Variants in FAM124A observed in about 807,000 individuals in gnomAD.
The protein encoded by FAM124A is protein FAM124A.
A neutral mutation model predicts 24.5 loss-of-function variants in FAM124A; 23 were observed. That is an observed-to-expected ratio of 0.94 (90% CI 0.68 to 1.33). The LOEUF is 1.33. Among genes scored for constraint, FAM124A ranks in the 40% most tolerant of loss-of-function variants. The pLI, the probability that FAM124A is intolerant of heterozygous loss-of-function variation, is 0.00. For synonymous variants in FAM124A, 287 were observed against 314.7 expected (o/e 0.91, Z 0.93); for missense variants, 623 against 722.8 (o/e 0.86, Z 1.58).
At chr13:51,239,816 C>T (rs1237440433) in intron 2 of FAM124A, among the ~76,000 whole-genome samples, 1 of 151,738 alleles carries the variant, frequency 6.6e-6, no homozygotes, top group East Asian at 2.0e-4. Context: ...AAAAGATTAT[C>T]TGGATAGATA....
chr13:51,252,222 T>C (rs1566168626), intron 3 of FAM124A, 21 bp downstream of exon 3: 1 of 1,606,822 alleles, frequency 6.2e-7, no homozygotes, highest in African/African-American at 1.3e-5. Context: ...GACGCCTGTC[T>C]GTCTGTTTAG....
rs1048052725 is a variant in FAM124A, at chr13:51,251,517, C to T, written c.150C>T (p.His50=). 2.0e-6 allele frequency: 3 copies of T among 1,512,762 alleles called. No individual in the cohort carries two copies. The highest frequency in any genetic ancestry group is 2.8e-5 in the African/African-American group (2 of 71,624). The allele number at this position is 1,512,762 out of a possible 1,614,324, so 93.7% of individuals were successfully genotyped here. A position where few individuals can be genotyped will look rare whatever the true frequency, so the allele number is the denominator to read the frequency against. ...AGGACCCTTTCCTGGTCAGCATCCA[C>T]ATAATCGCAGACCCAGGGGAGTCCC... ...EAQDPFLVSI[H]IIADPGESQP... The change falls in exon 3 of 4, where the codon CAC becomes CAT. Residue 50 remains histidine, a synonymous_variant. Coordinates refer to ENST00000322475, the MANE Select transcript of FAM124A (RefSeq NM_001242312.2). This position sits in a 1 kb window ranked among gnomAD's most constrained non-coding sequence, Gnocchi z 5.3.
At chr13:51,269,755 T>C (rs1012003741) in intron 3 of FAM124A, among the ~76,000 whole-genome samples, 1 of 152,192 alleles carries the variant, frequency 6.6e-6, no homozygotes, top group Non-Finnish European at 1.5e-5. Flanking sequence ...TAAGGGAAAA[T>C]TGAGCTTGAA....
chr13:51,257,629 A>G (rs1474424501), intron 3 of FAM124A, among the ~76,000 whole-genome samples: 1 of 151,914 alleles, frequency 6.6e-6, no homozygotes, highest in Non-Finnish European at 1.5e-5. Context: ...GGCTTTATTT[A>G]TCTCTCATTT....
At chr13:51,229,079 C>T (rs1351442172) in intron 1 of FAM124A, among the ~76,000 whole-genome samples, 1 of 152,178 alleles carries the variant, frequency 6.6e-6, no homozygotes, top group Non-Finnish European at 1.5e-5. Context: ...CAACTGTGTA[C>T]AAATTGCATA....
intron 3 of FAM124A, among the ~76,000 whole-genome samples, chr13:51,262,473 C>T (rs965912197): frequency 8.5e-5 from 13 of 152,262 alleles, no homozygotes; most frequent in African/African-American, 2.9e-4. Flanking sequence ...GTCATGTGAA[C>T]TACATGTCAG....
chr13:51,228,467 T>C (rs1230009720), intron 1 of FAM124A, among the ~76,000 whole-genome samples: 1 of 152,212 alleles, frequency 6.6e-6, no homozygotes, highest in Non-Finnish European at 1.5e-5. Flanking sequence ...ATATCGTGTA[T>C]AAATTTTTCA....
At chr13:51,259,436 T>C (rs896761470) in intron 3 of FAM124A, among the ~76,000 whole-genome samples, 2 of 151,992 alleles carry the variant, frequency 1.3e-5, no homozygotes, top group African/African-American at 4.8e-5. Context: ...CCTGTGTCAC[T>C]TGGGGTCCTT....
At chr13:51,274,692 CTTAAG>C (rs1178381113) in intron 3 of FAM124A, among the ~76,000 whole-genome samples, 1 of 151,922 alleles carries the variant, frequency 6.6e-6, no homozygotes, top group African/African-American at 2.4e-5. Flanking sequence ...TTAAAATTAC[CTTAAG>C]TTATTTTAGA....
At chr13:51,257,976 A>G (rs1954692526) in intron 3 of FAM124A, among the ~76,000 whole-genome samples, 1 of 152,236 alleles carries the variant, frequency 6.6e-6, no homozygotes, top group South Asian at 2.1e-4. Flanking sequence ...GGAGGCTAGA[A>G]GTCCAAAATC....
At chr13:51,232,711 A>C (rs1163535061) in intron 2 of FAM124A, among the ~76,000 whole-genome samples, 1 of 152,210 alleles carries the variant, frequency 6.6e-6, no homozygotes, top group Non-Finnish European at 1.5e-5. Context: ...AACCAGAGAA[A>C]GCTCAGTTGA....
At chr13:51,254,160 G>C (rs183422500) in intron 3 of FAM124A, among the ~76,000 whole-genome samples, 1 of 152,270 alleles carries the variant, frequency 6.6e-6, no homozygotes, top group African/African-American at 2.4e-5. Flanking sequence ...AGCAGTGTAC[G>C]TTCCCTGAGT....
intron 3 of FAM124A, chr13:51,253,316 A>G (rs1364088165): frequency 1.3e-5 from 2 of 152,258 alleles, no homozygotes; most frequent in African/African-American, 4.8e-5. Flanking sequence ...CATGTCAGAT[A>G]ACTGGTTCAG....
Position 51,251,749 on chromosome 13 carries a change from T to C in FAM124A, c.382T>C (p.Trp128Arg). ...QLHRTLQQPPWRHHHTEQVHG... is the reference protein window; with the variant it reads ...QLHRTLQQPPRRHHHTEQVHG... ...GCACCGCACACTGCAGCAGCCGCCCTGGCGCCACCACCACACCGAGCAGGT... is the reference window on the plus strand; with the variant it reads ...GCACCGCACACTGCAGCAGCCGCCCCGGCGCCACCACCACACCGAGCAGGT... The change falls in exon 3 of 4, where the codon TGG (tryptophan) becomes CGG (arginine). Residue 128 changes from tryptophan to arginine, a missense_variant. Physicochemically the swap from Trp to Arg is moderately radical, Grantham distance 101. Transcript: ENST00000322475. The surrounding 1 kb of genome is among the most constrained non-coding windows in gnomAD (Gnocchi z 5.3). 1.3e-6 allele frequency: 2 copies of C among 1,585,612 alleles called. No homozygotes were observed. Among genetic ancestry groups the C allele is most frequent in the South Asian group, 1.1e-5 (1 of 87,872 alleles).
chr13:51,281,222 C>T lies in FAM124A; in HGVS notation c.1607C>T (p.Pro536Leu). The change falls in exon 4 of 4, where the codon CCC (proline) becomes CTC (leucine). Residue 536 changes from proline to leucine, a missense_variant. Physicochemically the swap from Pro to Leu is moderately conservative, Grantham distance 98. Transcript: ENST00000322475. ...DMPPPPGSAG[P>L]GDNDMEEFYI is the part of the protein sequence containing the mutation. The stretch of plus-strand genomic sequence containing the variant: ...CCACCACCCCCAGGGTCGGCTGGCC[C>T]CGGGGATAACGACATGGAGGAATTC... 1 of 1,593,992 alleles carries T rather than the reference C, an allele frequency of 6.3e-7. No homozygotes were observed. The highest frequency in any genetic ancestry group is 8.5e-7 in the Non-Finnish European group (1 of 1,171,558).
In FAM124A at chr13:51,281,391, C is replaced by G; in HGVS notation, c.*135C>G. 1.2e-5 allele frequency: 10 copies of G among 838,346 alleles called. No individual in the cohort carries two copies. The highest frequency in any genetic ancestry group is 1.8e-5 in the Non-Finnish European group (10 of 568,358). The allele number at this position is 838,346 out of a possible 1,614,324, so 51.9% of individuals were successfully genotyped here. On this transcript the variant is annotated 3_prime_UTR_variant, in exon 4 of 4. Coordinates refer to ENST00000322475, the MANE Select transcript of FAM124A (RefSeq NM_001242312.2). Reference sequence around the variant, plus strand: ...GAGCCCGTAGCACATTTGCCTACCACCCACTCTTAGCTGGGGGGTGGTATA... The same window carrying G: ...GAGCCCGTAGCACATTTGCCTACCAGCCACTCTTAGCTGGGGGGTGGTATA...
intron 1 of FAM124A, among the ~76,000 whole-genome samples, chr13:51,229,662 T>C (rs1954353582): frequency 6.6e-6 from 1 of 152,262 alleles, no homozygotes; most frequent in South Asian, 2.1e-4. Flanking sequence ...TGAATAGTCA[T>C]GACATTTCTT....
In FAM124A at chr13:51,280,653, A is replaced by T. The variant is rs1368939123; in HGVS notation, c.1038A>T (p.Arg346=). The change falls in exon 4 of 4, where the codon CGA becomes CGT. Residue 346 remains arginine (R), a synonymous_variant. Coordinates refer to ENST00000322475, the MANE Select transcript of FAM124A (RefSeq NM_001242312.2). ...PPGHQQEFAG[R]ANSTPNPPWS... is the part of the protein sequence containing the mutation. ...GGCACCAGCAGGAATTTGCCGGACG[A>T]GCCAACAGCACCCCCAACCCTCCCT... The T allele has an allele frequency of 3.1e-6, 5 of 1,614,218 alleles. No individual in the cohort carries two copies. The Admixed American group carries it at 8.3e-5, about 27-fold the overall frequency.
At chr13:51,236,790 A>T (rs1320887992) in intron 2 of FAM124A, among the ~76,000 whole-genome samples, 1 of 152,254 alleles carries the variant, frequency 6.6e-6, no homozygotes, top group African/African-American at 2.4e-5. Flanking sequence ...AGGAAGATCA[A>T]TGTGTCAGAA....
Sources: allele counts gnomAD v4.1 joint callset (sites outside exome capture counted in the v4.1 genomes callset), GRCh38; gene constraint gnomAD v4.1.1; non-coding constraint Gnocchi (gnomAD v3.1); transcripts MANE v1.5; gene names NCBI Gene and HGNC (gene_info 2026-07-23, HGNC 2026-07-21).